Variants in SUGCT observed in about 807,000 individuals in gnomAD.
SUGCT encodes the protein succinyl-CoA:glutarate-CoA transferase, also known as succinyl-CoA:glutarate CoA-transferase.
In SUGCT, 41 loss-of-function variants were observed where a neutral mutation model predicts 55.0. The ratio of observed to expected loss-of-function variants is 0.74; its 90% CI spans 0.58 to 0.97. SUGCT has a LOEUF of 0.97. Ranked by LOEUF, SUGCT falls within the 50% of genes least tolerant of loss-of-function variation. SUGCT has a pLI of 0.00. For synonymous variants in SUGCT, 187 were observed against 200.4 expected, an observed-to-expected ratio of 0.93 and a Z score of 0.56; for missense variants, 568 against 547.8, an observed-to-expected ratio of 1.04 and a Z score of -0.37.
chr7:40,261,135 T>C (rs981319648), intron 7 of SUGCT, among the ~76,000 whole-genome samples: 2 of 152,218 alleles, frequency 1.3e-5, no homozygotes, highest in Non-Finnish European at 2.9e-5. Flanking sequence ...ACTGGACTTT[T>C]TGCCTTGGAT....
At chr7:40,269,397 A>G (rs1039071754) in intron 7 of SUGCT, among the ~76,000 whole-genome samples, 2 of 152,076 alleles carry the variant, frequency 1.3e-5, no homozygotes, top group African/African-American at 4.8e-5. Context: ...ATCTCAGCTC[A>G]CTGCAACATC....
In SUGCT at chr7:40,683,767, C is replaced by T. The variant is rs76552345; in HGVS notation, c.1090-65667C>T. Among the ~76,000 whole-genome samples, 4,297 of 152,294 alleles carry T rather than the reference C, an allele frequency of 0.028. 217 individuals carry two copies. Among genetic ancestry groups the T allele is most frequent in the African/African-American group, 0.097 (4,051 of 41,566 alleles). ...ACGTTGTCACTTAAGTAGGTAACTG[C>T]GTGAAATGGCTTGGGATTTGGCAGT... On this transcript the variant is annotated intron_variant, in intron 12 of 13. Transcript: ENST00000335693.
At chr7:40,192,494 C>T (rs1235139745) in intron 5 of SUGCT, among the ~76,000 whole-genome samples, 2 of 152,018 alleles carry the variant, frequency 1.3e-5, no homozygotes. Flanking sequence ...GTTTTATTTT[C>T]CTATAACATT....
intron 12 of SUGCT, among the ~76,000 whole-genome samples, chr7:40,675,416 T>A (rs1242546224): frequency 4.6e-5 from 7 of 152,252 alleles, no homozygotes. Context: ...GTTGCCTATA[T>A]GCATATATAT....
At chr7:40,144,658 T>C (rs1788154719) in intron 1 of SUGCT, among the ~76,000 whole-genome samples, 1 of 152,186 alleles carries the variant, frequency 6.6e-6, no homozygotes, top group South Asian at 2.1e-4. Flanking sequence ...GAAAGGAAAG[T>C]GGAAGATAAA....
At chr7:40,788,014 C>T (rs1198491565) in intron 13 of SUGCT, among the ~76,000 whole-genome samples, 1 of 152,152 alleles carries the variant, frequency 6.6e-6, no homozygotes, top group Non-Finnish European at 1.5e-5. Context: ...TGTTATCTTC[C>T]AGCAGTAATA....
intron 9 of SUGCT, among the ~76,000 whole-genome samples, chr7:40,337,857 A>G (rs1216255243): frequency 6.6e-6 from 1 of 151,716 alleles, no homozygotes; most frequent in Non-Finnish European, 1.5e-5. Flanking sequence ...TGGTCTTTAC[A>G]ATTTGGCATG....
At chr7:40,697,361 G>A (rs529353415) in intron 12 of SUGCT, among the ~76,000 whole-genome samples, 12 of 152,296 alleles carry the variant, frequency 7.9e-5, no homozygotes, top group East Asian at 7.7e-4. Context: ...TGGGCCAGGT[G>A]CAGTGGCTCA....
chr7:40,694,709 C>G (rs1169897020), intron 12 of SUGCT, among the ~76,000 whole-genome samples: 1 of 152,054 alleles, frequency 6.6e-6, no homozygotes, highest in Non-Finnish European at 1.5e-5. Context: ...ACAAATTTGT[C>G]CTCTTTTCAA....
At chr7:41,033,072 C>T in the SUGCT span, among the ~76,000 whole-genome samples, 2 of 152,230 alleles carry the variant, frequency 1.3e-5, no homozygotes, top group African/African-American at 4.8e-5. Flanking sequence ...AAAAAACACC[C>T]CAATTTAAGC....
chr7:40,856,918 CTTG>C (rs567323728), intron 13 of SUGCT, among the ~76,000 whole-genome samples: 16 of 152,086 alleles, frequency 1.1e-4, no homozygotes, highest in South Asian at 4.1e-4. Context: ...GAAATTTTAT[CTTG>C]TTATTTTTAC....
chr7:40,499,826 T>C (rs56037112), intron 12 of SUGCT, among the ~76,000 whole-genome samples: 17,878 of 152,170 alleles, frequency 0.12, 1,270 homozygotes, highest in Middle Eastern at 0.21. Context: ...GATTGTGCAG[T>C]ACATTAAAGG....
At chr7:40,307,533 C>G (rs1002788338) in intron 8 of SUGCT, among the ~76,000 whole-genome samples, 4 of 152,146 alleles carry the variant, frequency 2.6e-5, no homozygotes, top group African/African-American at 7.2e-5. Flanking sequence ...GGCAGATTAT[C>G]AGACTACTCA....
At chr7:40,439,533 T>C (rs1410648407) in intron 9 of SUGCT, among the ~76,000 whole-genome samples, 1 of 152,198 alleles carries the variant, frequency 6.6e-6, no homozygotes, top group Non-Finnish European at 1.5e-5. Flanking sequence ...AGCTGAGAGA[T>C]GATAGAGAAA....
At chr7:40,276,364 A>G (rs1377402670) in intron 8 of SUGCT, among the ~76,000 whole-genome samples, 2 of 152,162 alleles carry the variant, frequency 1.3e-5, no homozygotes, top group African/African-American at 4.8e-5. Flanking sequence ...ATAAGTTTGG[A>G]AGCCATGAAG....
intron 13 of SUGCT, among the ~76,000 whole-genome samples, chr7:40,756,399 TTTAG>T (rs1392705718): frequency 6.6e-6 from 1 of 152,200 alleles, no homozygotes; most frequent in African/African-American, 2.4e-5. Flanking sequence ...ATTTTACTTA[TTTAG>T]TTAGTTTTCA....
At chr7:40,704,137 G>A (rs1439337932) in intron 12 of SUGCT, among the ~76,000 whole-genome samples, 1 of 152,200 alleles carries the variant, frequency 6.6e-6, no homozygotes, top group Non-Finnish European at 1.5e-5. Flanking sequence ...CCATAATATG[G>A]GAGTTTCCCA....
chr7:41,002,891 G>A, the SUGCT span, among the ~76,000 whole-genome samples: 50 of 152,120 alleles, frequency 3.3e-4, no homozygotes, highest in African/African-American at 9.9e-4. Flanking sequence ...CATAATTCAC[G>A]CCTTATGGGC....
At chr7:40,587,133 GC>G (rs1797421724) in intron 12 of SUGCT, among the ~76,000 whole-genome samples, 1 of 152,204 alleles carries the variant, frequency 6.6e-6, no homozygotes, top group South Asian at 2.1e-4. Context: ...CCAGGAGCTG[GC>G]AGTGAAAGGC....
Sources: allele counts gnomAD v4.1 joint callset (sites outside exome capture counted in the v4.1 genomes callset), GRCh38; gene constraint gnomAD v4.1.1; transcripts MANE v1.5; gene names NCBI Gene and HGNC (gene_info 2026-07-23, HGNC 2026-07-21).